The following JPH2 variants were observed in gnomAD, a reference collection of about 807,000 sequenced individuals.
The protein encoded by JPH2 is junctophilin 2, also known as junctophilin-2.
In JPH2, 38 loss-of-function variants were observed where a neutral mutation model predicts 55.9. The ratio of observed to expected loss-of-function variants is 0.68; its 90% CI spans 0.52 to 0.89. JPH2 has a LOEUF of 0.89. Among genes scored for constraint, JPH2 ranks in the 40% least tolerant of loss-of-function variants. The pLI, the probability that JPH2 is intolerant of heterozygous loss-of-function variation, is 0.00. For synonymous variants in JPH2, 480 were observed against 472.4 expected (o/e 1.02, Z -0.21); for missense variants, 964 against 1,037.6 (o/e 0.93, Z 0.97).
chr20:44,160,348 C>A lies in JPH2; in HGVS notation c.439G>T (p.Val147Leu), dbSNP rs1012335909. The change falls in exon 2 of 6, where the codon GTG becomes TTG. Residue 147 changes from valine to leucine, a missense_variant. Val to Leu is a conservative substitution (Grantham distance 32). Transcript: ENST00000372980. The surrounding 1 kb of genome is among the most constrained non-coding windows in gnomAD (Gnocchi z 4.9). ...ACCACCACGGCCATCCCGTAGGGCACGCTCTGGCGTACTCCGTAGCCATGG... is the reference window on the plus strand; with the variant it reads ...ACCACCACGGCCATCCCGTAGGGCAAGCTCTGGCGTACTCCGTAGCCATGG... Reference protein sequence around the residue: ...MRHGYGVRQSVPYGMAVVVRS... With the variant: ...MRHGYGVRQSLPYGMAVVVRS... 1.9e-6 allele frequency: 3 copies of A among 1,592,752 alleles called. No individual in the cohort carries two copies. The highest frequency in any genetic ancestry group is 1.3e-5 in the African/African-American group (1 of 74,514).
intron 2 of JPH2, among the ~76,000 whole-genome samples, chr20:44,121,904 G>T (rs1205246955): frequency 6.6e-6 from 1 of 152,222 alleles, no homozygotes; most frequent in African/African-American, 2.4e-5. Flanking sequence ...GAGGTCAGCG[G>T]GGGGATTGCT....
At chr20:44,135,611 C>A (rs937590217) in intron 2 of JPH2, among the ~76,000 whole-genome samples, 1 of 152,212 alleles carries the variant, frequency 6.6e-6, no homozygotes, top group Non-Finnish European at 1.5e-5. Flanking sequence ...GCAGAAGCTT[C>A]GCTGCTGCGT....
chr20:44,111,965 G>A lies in JPH2; in HGVS notation c.*1553C>T, dbSNP rs1219987777. 6.6e-6 allele frequency: 1 copy of A among 152,498 alleles called. No homozygotes were observed. Among genetic ancestry groups the A allele is most frequent in the African/African-American group, 2.4e-5 (1 of 41,450 alleles). The allele number at this position is 152,498 out of a possible 1,614,324, so 9.4% of individuals were successfully genotyped here. ...ATGCAGATGCAGAGCTGTGGGCCAT[G>A]GCCAGCTGAGGATGGAAGAATCTGC... On this transcript the variant is annotated 3_prime_UTR_variant, in exon 6 of 6. Coordinates refer to ENST00000372980, the MANE Select transcript of JPH2 (RefSeq NM_020433.5).
intron 2 of JPH2, among the ~76,000 whole-genome samples, chr20:44,131,654 T>C (rs1466812557): frequency 6.6e-6 from 1 of 152,240 alleles, no homozygotes; most frequent in Non-Finnish European, 1.5e-5. Context: ...CATACTTTTA[T>C]AATTTATTCA....
intron 1 of JPH2, among the ~76,000 whole-genome samples, chr20:44,162,813 C>CACAT (rs1555859093): frequency 0.011 from 1,206 of 112,716 alleles, 30 homozygotes; most frequent in African/African-American, 0.016. Flanking sequence ...CACACACACA[C>CACAT]ACACACACAC....
At chr20:44,168,441 A>G (rs886204240) in intron 1 of JPH2, among the ~76,000 whole-genome samples, 20 of 152,224 alleles carry the variant, frequency 1.3e-4, no homozygotes, top group Admixed American at 6.5e-5. Flanking sequence ...TATGGCTACT[A>G]AAAATTTTTA....
chr20:44,139,401 T>C (rs774429760), intron 2 of JPH2, among the ~76,000 whole-genome samples: 16 of 152,124 alleles, frequency 1.1e-4, no homozygotes, highest in Non-Finnish European at 2.2e-4. Context: ...AGCAAATATC[T>C]GGAAACTACC....
At chr20:44,134,615 A>AT (rs372760801) in intron 2 of JPH2, among the ~76,000 whole-genome samples, 1,956 of 3,990 alleles carry the variant, frequency 0.49, 387 homozygotes, top group Middle Eastern at 0.67. Flanking sequence ...TTATAAATAT[A>AT]ATAAATATAT....
chr20:44,151,805 C>A (rs981334643), intron 2 of JPH2, among the ~76,000 whole-genome samples: 1 of 152,170 alleles, frequency 6.6e-6, no homozygotes, highest in Non-Finnish European at 1.5e-5. Context: ...TCTAATCTTT[C>A]CCCACCCATT....
chr20:44,153,046 AG>A (rs2072542489), intron 2 of JPH2, among the ~76,000 whole-genome samples: 1 of 152,234 alleles, frequency 6.6e-6, no homozygotes, highest in Non-Finnish European at 1.5e-5. Flanking sequence ...AGATTAAGAC[AG>A]TAAGTAGAGA....
At chr20:44,174,633 G>A (rs921335703) in intron 1 of JPH2, among the ~76,000 whole-genome samples, 16 of 152,116 alleles carry the variant, frequency 1.1e-4, no homozygotes, top group African/African-American at 3.1e-4. Flanking sequence ...AATTAGCCAG[G>A]TGTGGTGGCG....
chr20:44,119,247 T>G (rs1218553126), intron 2 of JPH2, among the ~76,000 whole-genome samples: 1 of 152,174 alleles, frequency 6.6e-6, no homozygotes, highest in South Asian at 2.1e-4. Context: ...TAGATAAGCA[T>G]AAAGGATATT....
intron 2 of JPH2, among the ~76,000 whole-genome samples, chr20:44,139,175 C>T (rs943985800): frequency 6.6e-6 from 1 of 152,186 alleles, no homozygotes; most frequent in Non-Finnish European, 1.5e-5. Flanking sequence ...GCAAGGAGAG[C>T]TCAGTGCTCC....
In JPH2 at chr20:44,108,203, G is replaced by A. The variant is rs1005603933; in HGVS notation, c.*5315C>T. On this transcript the variant is annotated 3_prime_UTR_variant, in exon 6 of 6. Transcript: ENST00000372980. Reference sequence around the variant, plus strand: ...CTTTGTCATACTGTTACTTATCAATGCTGGCAAGGTAACAGATACCGAGGA... The same window carrying A: ...CTTTGTCATACTGTTACTTATCAATACTGGCAAGGTAACAGATACCGAGGA... 6.6e-6 allele frequency among the ~76,000 whole-genome samples: 1 copy of A among 152,162 alleles called. No individual in the cohort carries two copies. The highest frequency in any genetic ancestry group is 2.4e-5 in the African/African-American group (1 of 41,440).
chr20:44,111,102 G>C lies in JPH2; in HGVS notation c.*2416C>G, dbSNP rs1390787588. ...TGCGTGACCTTGGGCAAGTCCCTCT[G>C]CTCTAAGCCTCTGTGGAATGTGGCG... On this transcript the variant is annotated 3_prime_UTR_variant, in exon 6 of 6. Transcript: ENST00000372980. Among the ~76,000 whole-genome samples the C allele has an allele frequency of 6.6e-6, 1 of 152,204 alleles. No homozygotes were observed. Among genetic ancestry groups the C allele is most frequent in the East Asian group, 1.9e-4 (1 of 5,196 alleles).
chr20:44,162,433 A>T (rs1300120661), intron 1 of JPH2, among the ~76,000 whole-genome samples: 8 of 152,060 alleles, frequency 5.3e-5, no homozygotes, highest in African/African-American at 1.9e-4. Context: ...TGTATCTGTG[A>T]GGGTGTTGCC....
At chr20:44,184,443 A>G (rs1363029570) in intron 1 of JPH2, among the ~76,000 whole-genome samples, 1 of 152,168 alleles carries the variant, frequency 6.6e-6, no homozygotes, top group Non-Finnish European at 1.5e-5. Context: ...TTGTGAAAGC[A>G]GTGTTTGGAC....
intron 1 of JPH2, chr20:44,177,684 T>C: frequency 7.9e-7 from 1 of 1,272,730 alleles, no homozygotes. Flanking sequence ...GAATCATGTC[T>C]GGCATGGATT....
intron 2 of JPH2, among the ~76,000 whole-genome samples, chr20:44,137,139 T>C (rs2145860092): frequency 6.6e-6 from 1 of 152,292 alleles, no homozygotes; most frequent in Admixed American, 6.5e-5. Context: ...CTATTTTTTG[T>C]TATCACTACT....
Sources: gnomAD v4.1 joint callset for allele counts (sites outside exome capture counted in the v4.1 genomes callset) on GRCh38, gnomAD v4.1.1 for gene constraint, Gnocchi (gnomAD v3.1) non-coding constraint, MANE v1.5 for transcripts, NCBI Gene and HGNC (gene_info 2026-07-23, HGNC 2026-07-21) for gene names.